Variants in SACS observed in about 807,000 individuals in gnomAD.
SACS encodes the protein sacsin molecular chaperone.
Under a neutral mutation model 348.0 loss-of-function variants are expected in SACS, and 197 were observed. The observed-to-expected ratio is 0.57, with a 90% CI of 0.50 to 0.64. The LOEUF (loss-of-function observed/expected upper bound fraction) is 0.64, where lower values mean the gene tolerates loss of function less well. SACS is among the 30% of genes least tolerant of loss of function. The probability of loss-of-function intolerance (pLI) is 0.00; values close to 1 mark genes in which losing one functional copy is unlikely to be tolerated. For synonymous variants in SACS, 1,985 were observed against 1,910.6 expected (o/e 1.04, Z -1.02); for missense variants, 4,999 against 5,360.8 (o/e 0.93, Z 2.11).
chr13:23,362,940 G>A (rs887217319), intron 6 of SACS, among the ~76,000 whole-genome samples: 9 of 150,326 alleles, frequency 6.0e-5, no homozygotes, highest in South Asian at 2.1e-4. Context: ...ACAGAGTTTC[G>A]CCCTTGTTGC....
chr13:23,365,197 A>T lies in SACS; in HGVS notation c.426T>A (p.Thr142=), dbSNP rs1168227480. ...ATGGCGCCATATCTTTTGACCAAAG[A>T]GTCTCTGTTCCGTATTGAGTTTCAT... ...LYDETQYGTE[T]LWSKDMAPYQ... The change falls in exon 6 of 10, where the codon ACT becomes ACA. Residue 142 remains threonine (T), a synonymous_variant. Coordinates refer to ENST00000382292, the MANE Select transcript of SACS (RefSeq NM_014363.6). 2 of 1,612,618 alleles carry T rather than the reference A, an allele frequency of 1.2e-6. No individual in the cohort carries two copies. The highest frequency in any genetic ancestry group is 1.7e-5 in the Admixed American group (1 of 59,892).
chr13:23,333,818 G>A lies in SACS; in HGVS notation c.10058C>T (p.Ala3353Val). 6.2e-7 allele frequency: 1 copy of A among 1,613,808 alleles called. No homozygotes were observed. Among genetic ancestry groups the A allele is most frequent in the South Asian group, 1.1e-5 (1 of 91,070 alleles). ...AFVPLLSCHT[A>V]NIESPTSILK... The stretch of plus-strand genomic sequence containing the variant: ...GATGCTTGTGGGGCTCTCTATATTT[G>A]CTGTGTGACATGACAACAAAGGAAC... The change falls in exon 10 of 10, where the codon GCA (alanine) becomes GTA (valine). Residue 3353 changes from alanine (A) to valine (V), a missense_variant. Ala to Val is a moderately conservative substitution (Grantham distance 64). Coordinates refer to ENST00000382292, the MANE Select transcript of SACS (RefSeq NM_014363.6).
At chr13:23,411,048 G>C (rs1390650703) in intron 2 of SACS, among the ~76,000 whole-genome samples, 172 bp downstream of exon 2, 1 of 152,104 alleles carries the variant, frequency 6.6e-6, no homozygotes, top group African/African-American at 2.4e-5. Flanking sequence ...TTTAACCCTT[G>C]GCTTGAAAAA....
rs963816816 is a variant in SACS at position 23,411,584 on chromosome 13, T to C, written c.-345A>G. 10 of 247,834 alleles carry C rather than the reference T, an allele frequency of 4.0e-5. No individual in the cohort carries two copies. The highest frequency in any genetic ancestry group is 2.3e-4 in the African/African-American group (10 of 44,248). 15.4% of individuals were successfully genotyped at this position (247,834 alleles called of 1,614,324 possible). On this transcript the variant is annotated 5_prime_UTR_variant, in exon 2 of 10. Coordinates refer to ENST00000382292, the MANE Select transcript of SACS (RefSeq NM_014363.6). ...AAATCAATTTATTTTCATCTGAGAA[T>C]TTTCTGTATTTCTTTTTGAAGGTTC...
intron 2 of SACS, among the ~76,000 whole-genome samples, chr13:23,404,724 C>G (rs1873128405): frequency 6.6e-6 from 1 of 152,214 alleles, no homozygotes; most frequent in African/African-American, 2.4e-5. Flanking sequence ...CTTCAGCAGT[C>G]TCAGGACACA....
In SACS at chr13:23,330,907, C is replaced by T. The variant is rs745807927; in HGVS notation, c.12969G>A (p.Ser4323=). The T allele has an allele frequency of 7.8e-5, 126 of 1,613,788 alleles. No individual in the cohort carries two copies. The highest frequency in any genetic ancestry group is 1.8e-4 in the Admixed American group (11 of 59,992). Residue 4323 remains serine, a synonymous_variant, in exon 10 of 10, where the codon TCG becomes TCA. Coordinates refer to ENST00000382292, the MANE Select transcript of SACS (RefSeq NM_014363.6). ...ACCGCCTAATAATCTTTTTTCGTTCCGATTCTGGAAGCTTCCATGCTTGCT... is the reference window on the plus strand; with the variant it reads ...ACCGCCTAATAATCTTTTTTCGTTCTGATTCTGGAAGCTTCCATGCTTGCT... The part of the protein sequence containing the change: ...VVEQAWKLPE[S]ERKKIIRRLY...
intron 2 of SACS, among the ~76,000 whole-genome samples, chr13:23,406,933 T>C (rs1326017814): frequency 6.6e-6 from 1 of 152,244 alleles, no homozygotes; most frequent in African/African-American, 2.4e-5. Context: ...ATGTGTTCAC[T>C]GTCTTTGAGC....
intron 2 of SACS, chr13:23,375,523 G>A (rs1433347091): frequency 1.5e-5 from 16 of 1,098,074 alleles, no homozygotes; most frequent in Non-Finnish European, 1.8e-5. Flanking sequence ...GCTAGAGGAA[G>A]CCGCGGCGGC....
At chr13:23,384,877 A>G (rs1872209082) in intron 2 of SACS, among the ~76,000 whole-genome samples, 1 of 152,224 alleles carries the variant, frequency 6.6e-6, no homozygotes, top group South Asian at 2.1e-4. Flanking sequence ...AATAAGTCAC[A>G]TAATATTTTG....
chr13:23,392,336 C>A (rs1288370400), intron 2 of SACS, among the ~76,000 whole-genome samples: 1 of 152,168 alleles, frequency 6.6e-6, no homozygotes, highest in Non-Finnish European at 1.5e-5. Context: ...CTGAAATCAA[C>A]AAAGTGGGAT....
rs770895110 is a variant in SACS at position 23,330,770 on chromosome 13, T to C, written c.13106A>G (p.Asp4369Gly). Residue 4369 changes from aspartate (D) to glycine (G), a missense_variant, in exon 10 of 10, where the codon GAT becomes GGT. Around this residue, in one of 6 missense-constraint regions of SACS, gnomAD observed 254 missense variants for 275.1 expected, o/e 0.92. Transcript: ENST00000382292. ...INRLEKQAFL[D>G]QNADRASRRT... ...TCTGGAGGCCCTGTCTGCATTTTGA[T>C]CTAGAAAAGCCTGTTTTTCTAATCT... The C allele has an allele frequency of 9.9e-6, 16 of 1,613,806 alleles. No homozygotes were observed. In the Admixed American group the frequency reaches 2.5e-4, roughly 25 times the overall value.
At chr13:23,422,852 C>T (rs1874011266) in intron 1 of SACS, among the ~76,000 whole-genome samples, 1 of 152,088 alleles carries the variant, frequency 6.6e-6, no homozygotes, top group Non-Finnish European at 1.5e-5. Flanking sequence ...TTTGTAGAAT[C>T]TAACCAATGA....
Position 23,411,542 on chromosome 13 carries a change from G to T in SACS, c.-303C>A. On this transcript the variant is annotated 5_prime_UTR_variant, in exon 2 of 10. Transcript: ENST00000382292. ...CAGTGTGGATTCGCTAAAGGTTTTT[G>T]GCTTTCCCCCAGAGCAAAATCAATT... The T allele has an allele frequency of 2.8e-6, 1 of 353,484 alleles. No individual in the cohort carries two copies. Among genetic ancestry groups the T allele is most frequent in the East Asian group, 5.2e-5 (1 of 19,382 alleles). The allele number at this position is 353,484 out of a possible 1,614,324, so 21.9% of individuals were successfully genotyped here.
intron 1 of SACS, among the ~76,000 whole-genome samples, chr13:23,432,881 T>A (rs1361939520): frequency 6.6e-6 from 1 of 152,140 alleles, no homozygotes; most frequent in Non-Finnish European, 1.5e-5. Flanking sequence ...CCAAAACAAT[T>A]GATATGTTTT....
At position 23,333,667 on chromosome 13, in the gene SACS, A is replaced by G. The variant is rs1401531709; in HGVS notation, c.10209T>C (p.Asp3403=). 2 of 1,613,712 alleles carry G rather than the reference A, an allele frequency of 1.2e-6. No individual in the cohort carries two copies. The highest frequency in any genetic ancestry group is 1.3e-5 in the African/African-American group (1 of 74,912). ...ACGGAAGTGACTTTAGAATTTTTAT[A>G]TCATCTTGGGACATCAAATGATTCA... ...CNLNHLMSQD[D]IKILKSLPCY... The change falls in exon 10 of 10, where the codon GAT becomes GAC. Residue 3403 remains aspartate (D), a synonymous_variant. Coordinates refer to ENST00000382292, the MANE Select transcript of SACS (RefSeq NM_014363.6).
chr13:23,354,840 A>G lies in SACS; in HGVS notation c.1772T>C (p.Leu591Pro), dbSNP rs1469050143. 1 of 1,614,190 alleles carries G rather than the reference A, an allele frequency of 6.2e-7. No homozygotes were observed. The highest frequency in any genetic ancestry group is 8.5e-7 in the Non-Finnish European group (1 of 1,180,024). Residue 591 changes from leucine to proline, a missense_variant, in exon 8 of 10, where the codon CTC becomes CCC. Leu to Pro is a moderately conservative substitution (Grantham distance 98). Transcript: ENST00000382292. ...CTTCCCTGAGCTCTGGAGGTAGTTG[A>G]GCACAGTTTTTGTGTATTCTAAATT... ...DENLEYTKTV[L>P]NYLQSSGKQI...
At chr13:23,396,413 T>C (rs9634389) in intron 2 of SACS, among the ~76,000 whole-genome samples, 40,536 of 151,716 alleles carry the variant, frequency 0.27, 6,148 homozygotes, top group East Asian at 0.44. Flanking sequence ...CAAGCTCATA[T>C]GATTTGAGTA....
At chr13:23,354,451 ACT>A (rs1486332785) in intron 8 of SACS, 66 bp downstream of exon 8, 6 of 1,333,512 alleles carry the variant, frequency 4.5e-6, no homozygotes, top group African/African-American at 1.4e-5. Context: ...ACAACAAAGG[ACT>A]CTCACAGTGA....
chr13:23,379,301 G>A (rs752792022), intron 2 of SACS, among the ~76,000 whole-genome samples: 18 of 152,204 alleles, frequency 1.2e-4, no homozygotes, highest in Non-Finnish European at 2.4e-4. Flanking sequence ...GTCATAAAAT[G>A]TGAAGCACCT....
Sources: allele counts gnomAD v4.1 joint callset (sites outside exome capture counted in the v4.1 genomes callset), GRCh38; gene constraint gnomAD v4.1.1; regional missense constraint gnomAD v4.1.1; transcripts MANE v1.5; gene names NCBI Gene and HGNC (gene_info 2026-07-23, HGNC 2026-07-21).